The following DNAJB4 variants were observed in gnomAD, a reference collection of about 807,000 sequenced individuals.
The protein encoded by DNAJB4 is dnaJ homolog subfamily B member 4.
In DNAJB4, 10 loss-of-function variants were observed where a neutral mutation model predicts 26.6. The ratio of observed to expected loss-of-function variants is 0.38; its 90% CI spans 0.23 to 0.64. The LOEUF (loss-of-function observed/expected upper bound fraction) is 0.64, where lower values mean the gene tolerates loss of function less well. Ranked by LOEUF, DNAJB4 falls within the 30% of genes least tolerant of loss-of-function variation. The probability of loss-of-function intolerance (pLI) is 0.58; values close to 1 mark genes in which losing one functional copy is unlikely to be tolerated. For missense variants in DNAJB4, 328 were observed against 408.2 expected (o/e 0.80, Z 1.69); for synonymous variants, 136 against 134.8 (o/e 1.01, Z -0.06).
At chr1:78,001,981 A>G (rs1660204877), upstream of DNAJB4, among the ~76,000 whole-genome samples, 1 of 152,262 alleles carries the variant, frequency 6.6e-6, no homozygotes, top group Non-Finnish European at 1.5e-5. Context: ...GAAAAAATGT[A>G]TGTCAGTTAC....
At position 78,017,678 on chromosome 1, in the gene DNAJB4, C is replaced by CA. The variant is rs1354317331; in HGVS notation, c.*1432dup. On this transcript the variant is annotated 3_prime_UTR_variant, in exon 3 of 3. Coordinates refer to ENST00000370763, the MANE Select transcript of DNAJB4 (RefSeq NM_007034.5). ...GTTACTTCCCATTCTTCCCTTCCTC[C>CA]AGCCCCTGAAAACACTACCATCTAC... 6.6e-6 allele frequency: 1 copy of CA among 152,014 alleles called. No homozygotes were observed. Among genetic ancestry groups the CA allele is most frequent in the African/African-American group, 2.4e-5 (1 of 41,394 alleles). The allele number at this position is 152,014 out of a possible 1,614,324, so 9.4% of individuals were successfully genotyped here. A position where few individuals can be genotyped will look rare whatever the true frequency, so the allele number is the denominator to read the frequency against.
rs1167725710 is a variant in DNAJB4, at chr1:78,012,154, CTTTTCTTTTTT to C, written c.212-892_212-882del. On this transcript the variant is annotated intron_variant, in intron 1 of 2. Transcript: ENST00000370763. ...CCCAGTTTTATTTTCTTTTTCTTTT[CTTTTCTTTTTT>C]TTTTTTTTTTTTTTTGAGACAGAGT... is the stretch of plus-strand genomic sequence containing the variant. 2.6e-4 allele frequency among the ~76,000 whole-genome samples: 18 copies of C among 69,348 alleles called. 1 individual carries two copies. Among genetic ancestry groups the C allele is most frequent in the East Asian group, 9.9e-4 (2 of 2,018 alleles). The allele number at this position is 69,348 out of a possible 152,430, so 45.5% of individuals were successfully genotyped here. A position where few individuals can be genotyped will look rare whatever the true frequency, so the allele number is the denominator to read the frequency against.
chr1:78,008,386 T>C (rs1347854187), intron 1 of DNAJB4, among the ~76,000 whole-genome samples: 1 of 152,178 alleles, frequency 6.6e-6, no homozygotes, highest in Non-Finnish European at 1.5e-5. Context: ...GCTATATACA[T>C]TCAATGAGGA....
chr1:78,004,950 C>T lies in DNAJB4; in HGVS notation c.-161C>T, dbSNP rs41309165. On this transcript the variant is annotated 5_prime_UTR_variant, in exon 1 of 3. Transcript: ENST00000370763. ...TGAGCCGTTGGGGAAGGATTGAATA[C>T]AGAGACGCTGTCTGCTTGCTGCCTT... The T allele has an allele frequency of 0.023, 16,438 of 700,464 alleles. 616 individuals are homozygous for T. The highest frequency in any genetic ancestry group is 0.14 in the African/African-American group (7,787 of 55,864). 43.4% of individuals were successfully genotyped at this position (700,464 alleles called of 1,614,324 possible).
In DNAJB4 at chr1:78,012,154, C is replaced by CTTTTTTTTTTTTTTTTT. The variant is rs1324763074; in HGVS notation, c.212-893_212-892insTTTTTTTTTTTTTTTTT. 1.2e-4 allele frequency among the ~76,000 whole-genome samples: 8 copies of CTTTTTTTTTTTTTTTTT among 69,342 alleles called. 1 individual carries two copies. Among genetic ancestry groups the CTTTTTTTTTTTTTTTTT allele is most frequent in the South Asian group, 1.1e-3 (2 of 1,748 alleles). 45.5% of individuals were successfully genotyped at this position (69,342 alleles called of 152,430 possible). ...CCCAGTTTTATTTTCTTTTTCTTTT[C>CTTTTTTTTTTTTTTTTT]TTTTCTTTTTTTTTTTTTTTTTTTT... is the stretch of plus-strand genomic sequence containing the variant. On this transcript the variant is annotated intron_variant, in intron 1 of 2. Transcript: ENST00000370763.
At chr1:77,982,464 C>T (rs1017325668) in intron 1 of DNAJB4, among the ~76,000 whole-genome samples, 5 of 152,186 alleles carry the variant, frequency 3.3e-5, no homozygotes, top group Non-Finnish European at 7.3e-5. Context: ...ACCTGACTAA[C>T]CAATTGCAGT....
chr1:77,991,090 G>T (rs1171031289), intron 1 of DNAJB4, among the ~76,000 whole-genome samples: 1 of 152,160 alleles, frequency 6.6e-6, no homozygotes, highest in Non-Finnish European at 1.5e-5. Context: ...CCCATCTACA[G>T]GGTGAGTCTC....
chr1:77,993,161 A>G (rs1198211951), intron 1 of DNAJB4, among the ~76,000 whole-genome samples: 1 of 152,170 alleles, frequency 6.6e-6, no homozygotes, highest in African/African-American at 2.4e-5. Context: ...GAAGTTGGCA[A>G]ACATTTCCTG....
chr1:78,005,414 C>A, intron 1 of DNAJB4, 93 bp downstream of exon 1: 1 of 1,079,752 alleles, frequency 9.3e-7, no homozygotes, highest in Non-Finnish European at 1.3e-6. Flanking sequence ...TCTCTCTCAG[C>A]TTGTTAAGGT....
upstream of DNAJB4, among the ~76,000 whole-genome samples, chr1:78,003,029 A>C (rs964833001): frequency 2.0e-5 from 3 of 148,956 alleles, no homozygotes; most frequent in Non-Finnish European, 3.0e-5. Flanking sequence ...ATAAGTGTCT[A>C]TTTTTTTTTT....
At chr1:78,002,966 T>A (rs1660227895), upstream of DNAJB4, among the ~76,000 whole-genome samples, 1 of 152,156 alleles carries the variant, frequency 6.6e-6, no homozygotes, top group Non-Finnish European at 1.5e-5. Flanking sequence ...TAAAATAATT[T>A]ACTGTGTCAA....
At position 77,997,414 on chromosome 1, in the gene DNAJB4, C is replaced by T. The variant is rs148028523; in HGVS notation, c.-31-7666C>T. Among the ~76,000 whole-genome samples the T allele has an allele frequency of 3.0e-3, 448 of 151,242 alleles. 13 individuals are homozygous for T. Among genetic ancestry groups the T allele is most frequent in the Admixed American group, 0.028 (417 of 15,128 alleles). On this transcript the variant is annotated intron_variant, in intron 1 of 2. Transcript: ENST00000426517. ...TGGTGTGAGCCTGTAATACCAGTTA[C>T]TTGGGAGGCTGAGCCCAGGAGAGAT...
chr1:78,006,427 C>G (rs1660331557), intron 1 of DNAJB4, among the ~76,000 whole-genome samples: 1 of 152,092 alleles, frequency 6.6e-6, no homozygotes, highest in Non-Finnish European at 1.5e-5. Context: ...GCTATGAAAA[C>G]TTGTTATCCC....
chr1:78,013,220 A>G lies in DNAJB4; in HGVS notation c.381A>G (p.Ile127Met). The G allele has an allele frequency of 6.2e-7, 1 of 1,614,260 alleles. No homozygotes were observed. The highest frequency in any genetic ancestry group is 2.2e-5 in the East Asian group (1 of 44,886). Residue 127 changes from isoleucine (I) to methionine (M), a missense_variant, in exon 2 of 3, where the codon ATA (isoleucine) becomes ATG (methionine). Transcript: ENST00000370763. Reference protein sequence around the residue: ...GGGRDSEEMEIDGDPFSAFGF... With the variant: ...GGGRDSEEMEMDGDPFSAFGF... The stretch of plus-strand genomic sequence containing the variant: ...GTAGAGATTCTGAAGAAATGGAAAT[A>G]GATGGTGATCCTTTTAGTGCCTTTG...
In DNAJB4 at chr1:77,991,428, G is replaced by A. The variant is rs145674820; in HGVS notation, c.-32+11106G>A. On this transcript the variant is annotated intron_variant, in intron 1 of 2. Coordinates refer to the DNAJB4 transcript ENST00000426517. Reference sequence around the variant, plus strand: ...CTTTCAAGGTCATTTTTAGACATACGCATGTTCAGAGTGGCAAAATATTTA... The same window carrying A: ...CTTTCAAGGTCATTTTTAGACATACACATGTTCAGAGTGGCAAAATATTTA... Among the ~76,000 whole-genome samples, 937 of 152,156 alleles carry A rather than the reference G, an allele frequency of 6.2e-3. 10 individuals carry two copies. Among genetic ancestry groups the A allele is most frequent in the African/African-American group, 0.021 (877 of 41,504 alleles).
Position 78,004,988 on chromosome 1 carries a change from T to C in DNAJB4, c.-123T>C. On this transcript the variant is annotated 5_prime_UTR_variant, in exon 1 of 3. Coordinates refer to ENST00000370763, the MANE Select transcript of DNAJB4 (RefSeq NM_007034.5). ...TGCTTGCTGCCTTAAGACAGCTAGCTGAATTGCTGATTAACTTTTAAAATA... is the reference window on the plus strand; with the variant it reads ...TGCTTGCTGCCTTAAGACAGCTAGCCGAATTGCTGATTAACTTTTAAAATA... 1 of 977,336 alleles carries C rather than the reference T, an allele frequency of 1.0e-6. No homozygotes were observed. The highest frequency in any genetic ancestry group is 1.6e-6 in the Non-Finnish European group (1 of 644,476). 60.5% of individuals were successfully genotyped at this position (977,336 alleles called of 1,614,324 possible).
upstream of DNAJB4, among the ~76,000 whole-genome samples, chr1:78,001,276 GGTGCAGTGAGCTATGATT>G (rs930296139): frequency 2.1e-4 from 32 of 151,964 alleles, no homozygotes; most frequent in African/African-American, 7.7e-4. Context: ...GGAGTTCAAG[GGTGCAGTGAGCTATGATT>G]GTGCCACTTC....
intron 1 of DNAJB4, among the ~76,000 whole-genome samples, chr1:77,982,215 A>T (rs944471542): frequency 4.6e-5 from 7 of 152,230 alleles, no homozygotes; most frequent in Admixed American, 2.0e-4. Context: ...TGTTTCCTAG[A>T]TGTTTCCAAA....
chr1:77,989,039 T>A (rs1659869390), intron 1 of DNAJB4, among the ~76,000 whole-genome samples: 1 of 152,228 alleles, frequency 6.6e-6, no homozygotes, highest in Admixed American at 6.5e-5. Context: ...ACCATTCTTA[T>A]CAAACACCCT....
Sources: gnomAD v4.1 joint callset for allele counts (sites outside exome capture counted in the v4.1 genomes callset) on GRCh38, gnomAD v4.1.1 for gene constraint, MANE v1.5 for transcripts, NCBI Gene and HGNC (gene_info 2026-07-23, HGNC 2026-07-21) for gene names.